Variants in VAX2 observed in about 807,000 individuals in gnomAD.
The protein encoded by VAX2 is ventral anterior homeobox 2.
Under a neutral mutation model 12.5 loss-of-function variants are expected in VAX2, and 8 were observed. The observed-to-expected ratio is 0.64, with a 90% CI of 0.37 to 1.15. The LOEUF (loss-of-function observed/expected upper bound fraction) is 1.15, where lower values mean the gene tolerates loss of function less well. Ranked by LOEUF, VAX2 falls within the 50% of genes most tolerant of loss-of-function variation. The probability of loss-of-function intolerance (pLI) is 0.01; values close to 1 mark genes in which losing one functional copy is unlikely to be tolerated. For synonymous variants in VAX2, 183 were observed against 187.6 expected (o/e 0.98, Z 0.20); for missense variants, 476 against 412.9 (o/e 1.15, Z -1.32).
chr2:70,912,528 G>T (rs1202270802), intron 1 of VAX2, among the ~76,000 whole-genome samples: 3 of 152,138 alleles, frequency 2.0e-5, no homozygotes, highest in Non-Finnish European at 4.4e-5. Context: ...CAGGCGCGGT[G>T]GTGGGCGCCT....
chr2:70,932,361 G>C (rs1036749934), intron 2 of VAX2, among the ~76,000 whole-genome samples: 1 of 152,154 alleles, frequency 6.6e-6, no homozygotes, highest in Admixed American at 6.5e-5. Context: ...GCCTGAGGTA[G>C]AGTTGGAATT....
chr2:70,920,008 GC>G (rs1292934693), intron 1 of VAX2, among the ~76,000 whole-genome samples: 1 of 152,280 alleles, frequency 6.6e-6, no homozygotes, highest in African/African-American at 2.4e-5. Flanking sequence ...GACTGCGTGC[GC>G]CCCCTGGAGG....
intron 2 of VAX2, 44 bp from the exon 3 acceptor site, chr2:70,932,723 G>T: frequency 1.9e-5 from 22 of 1,185,914 alleles, no homozygotes; most frequent in South Asian, 7.4e-5. Context: ...ACTTTGCTTT[G>T]CCTGTCCCAT....
chr2:70,903,111 G>A (rs1553409988), intron 1 of VAX2, among the ~76,000 whole-genome samples: 1 of 152,166 alleles, frequency 6.6e-6, no homozygotes, highest in African/African-American at 2.4e-5. Flanking sequence ...CCATGGCTCA[G>A]GGCTCTGATC....
In VAX2 at chr2:70,904,520, T is replaced by C. The variant is rs1553410306; in HGVS notation, c.247+3652T>C. ...CCAGCGTCACCCAACACAGCAACTT[T>C]TACAGACAATGCGTGGCGTCCGTTC... On this transcript the variant is annotated intron_variant, in intron 1 of 2. Coordinates refer to ENST00000234392, the MANE Select transcript of VAX2 (RefSeq NM_012476.3). The surrounding 1 kb of genome is among the most constrained non-coding windows in gnomAD (Gnocchi z 4.2). 1.3e-5 allele frequency among the ~76,000 whole-genome samples: 2 copies of C among 152,122 alleles called. No individual in the cohort carries two copies. The highest frequency in any genetic ancestry group is 2.9e-5 in the Non-Finnish European group (2 of 68,026).
At chr2:70,919,631 A>G (rs1183952603) in intron 1 of VAX2, among the ~76,000 whole-genome samples, 1 of 152,162 alleles carries the variant, frequency 6.6e-6, no homozygotes, top group Admixed American at 6.5e-5. Flanking sequence ...ACTTGAACCC[A>G]GAAGTTACAG....
chr2:70,925,146 T>A (rs1679540128), intron 2 of VAX2, among the ~76,000 whole-genome samples: 1 of 152,052 alleles, frequency 6.6e-6, no homozygotes, highest in Non-Finnish European at 1.5e-5. Context: ...TAGGGGAGGA[T>A]CATGCGATGC....
chr2:70,928,992 G>C (rs943382347), intron 2 of VAX2, among the ~76,000 whole-genome samples: 12 of 152,240 alleles, frequency 7.9e-5, no homozygotes, highest in African/African-American at 2.4e-4. Flanking sequence ...GGACGGGGAG[G>C]TGCTGGCTTG....
intron 1 of VAX2, among the ~76,000 whole-genome samples, chr2:70,905,818 A>G (rs3771397): frequency 0.13 from 20,444 of 152,074 alleles, 1,585 homozygotes; most frequent in South Asian, 0.28. Context: ...AGTGGCATGC[A>G]CCCGCAGTCA....
chr2:70,911,648 A>C (rs1183764058), intron 1 of VAX2, among the ~76,000 whole-genome samples: 2 of 152,228 alleles, frequency 1.3e-5, no homozygotes, highest in Non-Finnish European at 2.9e-5. Flanking sequence ...AAAAACAAGG[A>C]TATCTCATTG....
At chr2:70,916,253 C>T (rs1458272321) in intron 1 of VAX2, among the ~76,000 whole-genome samples, 2 of 152,142 alleles carry the variant, frequency 1.3e-5, no homozygotes, top group Admixed American at 6.6e-5. Context: ...CAGAGAAGTC[C>T]CATGTATCCA....
chr2:70,907,555 C>T (rs1679088356), intron 1 of VAX2, among the ~76,000 whole-genome samples: 1 of 152,240 alleles, frequency 6.6e-6, no homozygotes, highest in South Asian at 2.1e-4. Flanking sequence ...ACTTTCAGAG[C>T]CCCTGTCCCG....
chr2:70,910,506 C>A (rs1679158158), intron 1 of VAX2, among the ~76,000 whole-genome samples: 1 of 152,064 alleles, frequency 6.6e-6, no homozygotes, highest in Non-Finnish European at 1.5e-5. Flanking sequence ...TCTACGTCCT[C>A]CCAACTCAGA....
In VAX2 at chr2:70,921,222, C is replaced by G. The variant is rs782263092; in HGVS notation, c.372C>G (p.Cys124Trp). 7 of 1,613,676 alleles carry G rather than the reference C, an allele frequency of 4.3e-6. No individual in the cohort carries two copies. The South Asian group carries it at 7.7e-5, about 18-fold the overall frequency. Residue 124 changes from cysteine (C) to tryptophan (W), a missense_variant, in exon 2 of 3, where the codon TGC (cysteine) becomes TGG (tryptophan). Transcript: ENST00000234392. ...GCCTGGAGATGGAGTTCCAGCGCTG[C>G]CAGTATGTGGTGGGCCGCGAGCGCA... ...LYRLEMEFQRCQYVVGRERTE... is the reference protein window; with the variant it reads ...LYRLEMEFQRWQYVVGRERTE...
chr2:70,908,402 T>C (rs1307235643), intron 1 of VAX2, among the ~76,000 whole-genome samples: 1 of 152,202 alleles, frequency 6.6e-6, no homozygotes, highest in African/African-American at 2.4e-5. Flanking sequence ...TCCTTCCAGA[T>C]AATGTTTATG....
intron 1 of VAX2, among the ~76,000 whole-genome samples, chr2:70,905,004 G>T (rs370106848): frequency 2.5e-3 from 374 of 152,284 alleles, no homozygotes; most frequent in African/African-American, 8.7e-3. Flanking sequence ...TGGCTGGGAG[G>T]TTACTGCAGG....
Position 70,921,186 on chromosome 2 carries a change from G to A in VAX2, c.336G>A (p.Glu112=). ...GGACACGTACATCCTTCACTGCCGA[G>A]CAGCTGTACCGCCTGGAGATGGAGT... ...PKRTRTSFTA[E]QLYRLEMEFQ... is the part of the protein sequence containing the mutation. The change falls in exon 2 of 3, where the codon GAG becomes GAA. Residue 112 remains glutamate, a synonymous_variant. Transcript: ENST00000234392. 1 of 1,613,754 alleles carries A rather than the reference G, an allele frequency of 6.2e-7. No homozygotes were observed. The highest frequency in any genetic ancestry group is 1.3e-5 in the African/African-American group (1 of 75,052).
chr2:70,929,429 C>T (rs1265152464), intron 2 of VAX2, among the ~76,000 whole-genome samples: 1 of 152,092 alleles, frequency 6.6e-6, no homozygotes, highest in East Asian at 1.9e-4. Flanking sequence ...TGGCTCATGC[C>T]TGTAATCCCA....
At chr2:70,906,670 G>A (rs929792729) in intron 1 of VAX2, among the ~76,000 whole-genome samples, 1 of 151,766 alleles carries the variant, frequency 6.6e-6, no homozygotes, top group African/African-American at 2.4e-5. Context: ...CTGGATTACA[G>A]GACTGAGCTA....
Sources: allele counts gnomAD v4.1 joint callset (sites outside exome capture counted in the v4.1 genomes callset), GRCh38; gene constraint gnomAD v4.1.1; non-coding constraint Gnocchi (gnomAD v3.1); transcripts MANE v1.5; gene names NCBI Gene and HGNC (gene_info 2026-07-23, HGNC 2026-07-21).